TUSC3: variants seen among roughly 807,000 people sequenced by gnomAD.
TUSC3 encodes the protein dolichyl-diphosphooligosaccharide--protein glycosyltransferase subunit TUSC3.
In TUSC3, 45 loss-of-function variants were observed where a neutral mutation model predicts 44.8. That is an observed-to-expected ratio of 1.00 (90% CI 0.79 to 1.29). The LOEUF (loss-of-function observed/expected upper bound fraction) is 1.29. TUSC3 is among the 50% of genes most tolerant of loss of function. The pLI is 0.00. For missense variants in TUSC3, 519 were observed against 437.9 expected, an observed-to-expected ratio of 1.19 and a Z score of -1.65; for synonymous variants, 212 against 152.9, an observed-to-expected ratio of 1.39 and a Z score of -2.85.
At chr8:15,703,191 T>C (rs1391065497) in intron 6 of TUSC3, among the ~76,000 whole-genome samples, 1 of 152,140 alleles carries the variant, frequency 6.6e-6, no homozygotes, top group Non-Finnish European at 1.5e-5. Flanking sequence ...TTCAAGAATG[T>C]TATAGAGAAA....
chr8:15,779,103 T>C, the TUSC3 span, among the ~76,000 whole-genome samples: 273 of 114,712 alleles, frequency 2.4e-3, 5 homozygotes, highest in South Asian at 6.5e-3. Context: ...GTTTTCTTTT[T>C]TTTTTTTTTT....
intron 3 of TUSC3, among the ~76,000 whole-genome samples, chr8:15,654,682 A>T (rs1019761092): frequency 6.6e-6 from 1 of 152,134 alleles, no homozygotes; most frequent in African/African-American, 2.4e-5. Context: ...CTGTAATCCC[A>T]GCTACTGGGG....
At chr8:15,792,809 G>T in the TUSC3 span, among the ~76,000 whole-genome samples, 1 of 152,096 alleles carries the variant, frequency 6.6e-6, no homozygotes, top group Admixed American at 6.5e-5. Context: ...AGTAGAAACA[G>T]GGTTTTGCCA....
chr8:15,710,832 A>G (rs1446776634), intron 6 of TUSC3, among the ~76,000 whole-genome samples: 2 of 147,712 alleles, frequency 1.4e-5, no homozygotes, highest in Non-Finnish European at 3.0e-5. Context: ...ATTTATAAAT[A>G]TATATATATT....
At chr8:15,549,316 G>A (rs1205548226) in intron 1 of TUSC3, among the ~76,000 whole-genome samples, 1 of 151,606 alleles carries the variant, frequency 6.6e-6, no homozygotes, top group Non-Finnish European at 1.5e-5. Context: ...TGGGATTACA[G>A]GCGCACGCCA....
intron 1 of TUSC3, among the ~76,000 whole-genome samples, chr8:15,463,078 C>T (rs528095562): frequency 1.3e-3 from 199 of 151,646 alleles, no homozygotes; most frequent in African/African-American, 4.1e-3. Flanking sequence ...TCCTTTTTTT[C>T]TTCTTTTGCC....
chr8:15,600,296 T>A (rs1166828895), intron 1 of TUSC3, among the ~76,000 whole-genome samples: 1 of 151,722 alleles, frequency 6.6e-6, no homozygotes, highest in Non-Finnish European at 1.5e-5. Flanking sequence ...AATGTTGTGG[T>A]AGTAATGGCA....
intron 1 of TUSC3, among the ~76,000 whole-genome samples, chr8:15,618,283 T>A (rs1057312042): frequency 6.6e-6 from 1 of 152,206 alleles, no homozygotes; most frequent in South Asian, 2.1e-4. Flanking sequence ...TACTAGAACT[T>A]TTTTTAAAAG....
intron 9 of TUSC3, among the ~76,000 whole-genome samples, chr8:15,752,699 T>G (rs1386488275): frequency 2.0e-5 from 3 of 152,090 alleles, no homozygotes; most frequent in Non-Finnish European, 4.4e-5. Flanking sequence ...CTGTGCCATG[T>G]TTTGTGTAGA....
chr8:15,417,311 T>A (rs1384710765), intron 1 of TUSC3: 2 of 152,330 alleles, frequency 1.3e-5, no homozygotes, highest in Non-Finnish European at 2.9e-5. Context: ...GAAATGTGAG[T>A]CAATTAAACC....
At chr8:15,843,621 T>TATATACAC in the TUSC3 span, among the ~76,000 whole-genome samples, 596 of 146,746 alleles carry the variant, frequency 4.1e-3, 7 homozygotes, top group African/African-American at 0.015. Flanking sequence ...TATATATATA[T>TATATACAC]ACACGCACAT....
At chr8:15,827,930 G>C in the TUSC3 span, among the ~76,000 whole-genome samples, 1 of 151,664 alleles carries the variant, frequency 6.6e-6, no homozygotes, top group Admixed American at 6.6e-5. Flanking sequence ...GGATTCAATT[G>C]TGTATATCTC....
At chr8:15,693,435 G>C (rs1809009846) in intron 6 of TUSC3, among the ~76,000 whole-genome samples, 2 of 124,692 alleles carry the variant, frequency 1.6e-5, no homozygotes, top group South Asian at 5.0e-4. Context: ...CTCTTGGTTG[G>C]AAGTTCTTTT....
the TUSC3 span, among the ~76,000 whole-genome samples, chr8:15,819,738 A>T: frequency 6.6e-6 from 1 of 152,358 alleles, no homozygotes. Context: ...TTGTAGAAAG[A>T]TGATGCAAAA....
chr8:15,680,699 C>T (rs1028746412), intron 6 of TUSC3, among the ~76,000 whole-genome samples: 3 of 152,028 alleles, frequency 2.0e-5, no homozygotes, highest in African/African-American at 7.2e-5. Context: ...CTTTTGCCTC[C>T]TGTTGAGTAT....
At chr8:15,612,235 C>T (rs997212297) in intron 1 of TUSC3, among the ~76,000 whole-genome samples, 1 of 152,040 alleles carries the variant, frequency 6.6e-6, no homozygotes, top group Non-Finnish European at 1.5e-5. Flanking sequence ...TAAACAAACA[C>T]GTGAATAGCT....
At chr8:15,420,849 T>C (rs947081250) in intron 1 of TUSC3, among the ~76,000 whole-genome samples, 2 of 152,148 alleles carry the variant, frequency 1.3e-5, no homozygotes, top group African/African-American at 4.8e-5. Flanking sequence ...CAGTCTTTTA[T>C]GTTGATTCGC....
intron 3 of TUSC3, chr8:15,651,140 A>G (rs145346918): frequency 9.4e-5 from 28 of 298,952 alleles, no homozygotes; most frequent in African/African-American, 4.8e-4. Context: ...TTTTGCCATT[A>G]TGATAAATTC....
chr8:15,756,679 T>G (rs577624790), intron 9 of TUSC3, among the ~76,000 whole-genome samples: 29 of 152,322 alleles, frequency 1.9e-4, no homozygotes, highest in African/African-American at 7.0e-4. Context: ...CTACTTCCAT[T>G]AAATGCAACT....
Sources: allele counts gnomAD v4.1 joint callset (sites outside exome capture counted in the v4.1 genomes callset), GRCh38; gene constraint gnomAD v4.1.1; transcripts MANE v1.5; gene names NCBI Gene and HGNC (gene_info 2026-07-23, HGNC 2026-07-21).